GRIK4: variants seen among roughly 807,000 people sequenced by gnomAD.
GRIK4 encodes the protein glutamate ionotropic receptor kainate type subunit 4, also known as glutamate receptor ionotropic, kainate 4.
In GRIK4, 40 loss-of-function variants were observed where a neutral mutation model predicts 104.9. That is an observed-to-expected ratio of 0.38 (90% CI 0.30 to 0.50). The LOEUF (loss-of-function observed/expected upper bound fraction) is 0.50. GRIK4 is among the 20% of genes least tolerant of loss of function. The pLI is 0.93. For synonymous variants in GRIK4, 485 were observed against 524.9 expected, an observed-to-expected ratio of 0.92 and a Z score of 1.04; for missense variants, 1,047 against 1,308.1, an observed-to-expected ratio of 0.80 and a Z score of 3.08.
rs1054873343 is a variant in GRIK4 at position 120,986,488 on chromosome 11, G to T, written c.*228G>T. On this transcript the variant is annotated 3_prime_UTR_variant, in exon 21 of 21. Coordinates refer to ENST00000527524, the MANE Select transcript of GRIK4 (RefSeq NM_014619.5). ...ACGTTGCACCCAAAGGGCAAAGGAC[G>T]GCCCTCCCTCCTGGGCACAAGGACC... 132 of 554,882 alleles carry T rather than the reference G, an allele frequency of 2.4e-4. 1 individual carries two copies. Among genetic ancestry groups the T allele is most frequent in the African/African-American group, 2.3e-3 (116 of 49,362 alleles). The allele number at this position is 554,882 out of a possible 1,614,324, so 34.4% of individuals were successfully genotyped here.
intron 1 of GRIK4, among the ~76,000 whole-genome samples, chr11:120,518,401 C>T (rs1264033200): frequency 1.3e-5 from 2 of 152,152 alleles, no homozygotes; most frequent in Non-Finnish European, 2.9e-5. Flanking sequence ...GGAATAGTGT[C>T]TCTAGCAAGG....
At chr11:120,827,204 T>C (rs113067228) in intron 6 of GRIK4, among the ~76,000 whole-genome samples, 7,804 of 152,292 alleles carry the variant, frequency 0.051, 227 homozygotes, top group Middle Eastern at 0.092. Flanking sequence ...CCCTGCAGAC[T>C]CATCGCTTAG....
intron 3 of GRIK4, among the ~76,000 whole-genome samples, chr11:120,744,970 A>G (rs970750043): frequency 4.6e-5 from 7 of 152,232 alleles, no homozygotes; most frequent in Admixed American, 3.3e-4. Flanking sequence ...AAATGGCCCA[A>G]TTCTACCACG....
At chr11:120,863,070 T>G (rs1279062153) in intron 9 of GRIK4, among the ~76,000 whole-genome samples, 1 of 152,156 alleles carries the variant, frequency 6.6e-6, no homozygotes, top group Non-Finnish European at 1.5e-5. Context: ...CTTTACAGTT[T>G]ATATTTTTAA....
At chr11:120,855,709 C>G (rs769567525) in intron 8 of GRIK4, among the ~76,000 whole-genome samples, 1 of 152,090 alleles carries the variant, frequency 6.6e-6, no homozygotes, top group African/African-American at 2.4e-5. Flanking sequence ...AGGCAGATGC[C>G]ACACAACCAC....
At chr11:120,817,172 C>T (rs1158616886) in intron 5 of GRIK4, among the ~76,000 whole-genome samples, 1 of 152,050 alleles carries the variant, frequency 6.6e-6, no homozygotes. Context: ...ACAGTCTTTG[C>T]TGTGCATCAC....
chr11:120,778,963 T>A (rs1952095872), intron 3 of GRIK4, among the ~76,000 whole-genome samples: 2 of 152,144 alleles, frequency 1.3e-5, no homozygotes, highest in Non-Finnish European at 2.9e-5. Flanking sequence ...GGGCTCCACA[T>A]CTCAGGCCCC....
intron 3 of GRIK4, among the ~76,000 whole-genome samples, chr11:120,673,728 A>C (rs1950056897): frequency 6.6e-6 from 1 of 152,218 alleles, no homozygotes; most frequent in Non-Finnish European, 1.5e-5. Flanking sequence ...TCAGTCTTGC[A>C]GGAGCCTGGA....
intron 4 of GRIK4, among the ~76,000 whole-genome samples, chr11:120,809,928 G>A (rs548218965): frequency 6.6e-6 from 1 of 152,286 alleles, no homozygotes; most frequent in Admixed American, 6.5e-5. Flanking sequence ...AGCCAAGAAT[G>A]GTGGCATGCA....
rs1419724509 is a variant in GRIK4, at chr11:120,712,132, C to A, written c.82+51732C>A. 2.0e-5 allele frequency among the ~76,000 whole-genome samples: 3 copies of A among 152,254 alleles called. No homozygotes were observed. The East Asian group carries it at 5.8e-4, about 29-fold the overall frequency. On this transcript the variant is annotated intron_variant, in intron 3 of 20. Transcript: ENST00000527524. ...TAGTGACTGTAAAGTAAGGTGAATACTCCACTAGCACACATACAGGGTGCT... is the reference window on the plus strand; with the variant it reads ...TAGTGACTGTAAAGTAAGGTGAATAATCCACTAGCACACATACAGGGTGCT...
chr11:120,749,311 G>A (rs576104253), intron 3 of GRIK4, among the ~76,000 whole-genome samples: 8 of 152,264 alleles, frequency 5.3e-5, no homozygotes, highest in Admixed American at 5.2e-4. Context: ...GTGGTGCCAG[G>A]CTAGAAAGAA....
chr11:120,706,681 A>T (rs1950635480), intron 3 of GRIK4, among the ~76,000 whole-genome samples: 1 of 152,154 alleles, frequency 6.6e-6, no homozygotes, highest in African/African-American at 2.4e-5. Flanking sequence ...TAAGACATAT[A>T]GGTAGTCTGC....
intron 8 of GRIK4, among the ~76,000 whole-genome samples, chr11:120,849,288 T>C (rs1953924043): frequency 6.6e-6 from 1 of 152,288 alleles, no homozygotes; most frequent in Non-Finnish European, 1.5e-5. Context: ...TGGTTCAATA[T>C]CTCTGGACAC....
At chr11:120,919,341 G>A (rs561220836) in intron 13 of GRIK4, among the ~76,000 whole-genome samples, 33 of 152,342 alleles carry the variant, frequency 2.2e-4, no homozygotes, top group African/African-American at 7.2e-4. Context: ...AAGGAGCTGG[G>A]ACTCCATTTT....
chr11:120,544,909 C>T (rs956166173), intron 1 of GRIK4, among the ~76,000 whole-genome samples: 2 of 152,178 alleles, frequency 1.3e-5, no homozygotes, highest in Non-Finnish European at 2.9e-5. Flanking sequence ...GGCAAGGGGA[C>T]CTGAGGCTTG....
intron 13 of GRIK4, among the ~76,000 whole-genome samples, chr11:120,916,567 A>G (rs1943109118): frequency 6.6e-6 from 1 of 152,188 alleles, no homozygotes; most frequent in African/African-American, 2.4e-5. Flanking sequence ...CTAGTCTGAA[A>G]ATCCAAAATC....
chr11:120,827,743 G>A (rs947485969), intron 6 of GRIK4, among the ~76,000 whole-genome samples: 1 of 152,126 alleles, frequency 6.6e-6, no homozygotes, highest in African/African-American at 2.4e-5. Flanking sequence ...GAGGATCTCT[G>A]GGCTGGAAAG....
At chr11:120,735,875 CA>C (rs565716839) in intron 3 of GRIK4, among the ~76,000 whole-genome samples, 51 of 152,268 alleles carry the variant, frequency 3.3e-4, no homozygotes, top group African/African-American at 1.1e-3. Flanking sequence ...GGCGCAAGGA[CA>C]TCTCAGTCAG....
intron 1 of GRIK4, among the ~76,000 whole-genome samples, chr11:120,559,519 A>G (rs1948218652): frequency 6.6e-6 from 1 of 152,256 alleles, no homozygotes; most frequent in African/African-American, 2.4e-5. Flanking sequence ...ATTAACAAAA[A>G]TTATTTTGGC....
Sources: allele counts gnomAD v4.1 joint callset (sites outside exome capture counted in the v4.1 genomes callset), GRCh38; gene constraint gnomAD v4.1.1; transcripts MANE v1.5; gene names NCBI Gene and HGNC (gene_info 2026-07-23, HGNC 2026-07-21).